Variants in RBFOX1 observed in about 807,000 individuals in gnomAD.
RBFOX1 encodes RNA binding fox-1 homolog 1.
In RBFOX1, 8 loss-of-function variants were observed where a neutral mutation model predicts 57.7. The observed-to-expected ratio is 0.14, with a 90% CI of 0.08 to 0.25. RBFOX1 has a LOEUF of 0.25. RBFOX1 is among the 10% of genes least tolerant of loss of function. RBFOX1 has a pLI of 1.00. For synonymous variants in RBFOX1, 326 were observed against 222.4 expected, an observed-to-expected ratio of 1.47 and a Z score of -4.15; for missense variants, 611 against 548.5, an observed-to-expected ratio of 1.11 and a Z score of -1.14.
At chr16:7,098,566 T>G (rs1370547536) in intron 4 of RBFOX1, among the ~76,000 whole-genome samples, 1 of 152,208 alleles carries the variant, frequency 6.6e-6, no homozygotes, top group East Asian at 1.9e-4. Context: ...TCAGCACCCT[T>G]AAACATATAC....
intron 1 of RBFOX1, among the ~76,000 whole-genome samples, chr16:5,445,683 G>A (rs2068219541): frequency 6.6e-6 from 1 of 152,088 alleles, no homozygotes; most frequent in Admixed American, 6.5e-5. Context: ...GGGGCTGCCT[G>A]GAACTTAGCA....
chr16:7,699,025 G>C (rs1432118961), intron 14 of RBFOX1, among the ~76,000 whole-genome samples: 2 of 152,194 alleles, frequency 1.3e-5, no homozygotes, highest in African/African-American at 4.8e-5. Context: ...GTCACCTGGA[G>C]AACTTGTTAC....
chr16:5,953,041 C>T (rs1355912771), intron 4 of RBFOX1, among the ~76,000 whole-genome samples: 1 of 150,944 alleles, frequency 6.6e-6, no homozygotes, highest in African/African-American at 2.4e-5. Flanking sequence ...ATGGTAGAAT[C>T]TCCTGCGGAA....
chr16:5,629,396 G>GC (rs1188403095), intron 3 of RBFOX1, among the ~76,000 whole-genome samples: 1 of 152,198 alleles, frequency 6.6e-6, no homozygotes, highest in Non-Finnish European at 1.5e-5. Flanking sequence ...AACCAGGACT[G>GC]CCAGTGGTAT....
At chr16:7,109,355 C>G (rs1409271703) in intron 4 of RBFOX1, among the ~76,000 whole-genome samples, 1 of 152,128 alleles carries the variant, frequency 6.6e-6, no homozygotes, top group Non-Finnish European at 1.5e-5. Flanking sequence ...GCAACCAAAC[C>G]CTCTCACCAG....
At chr16:5,649,951 C>G (rs560377661) in intron 3 of RBFOX1, among the ~76,000 whole-genome samples, 1 of 152,150 alleles carries the variant, frequency 6.6e-6, no homozygotes, top group Non-Finnish European at 1.5e-5. Context: ...AATCGCCTCC[C>G]GGTGGAACAC....
At chr16:6,653,977 A>T (rs1263953294) in intron 2 of RBFOX1, among the ~76,000 whole-genome samples, 2 of 50,518 alleles carry the variant, frequency 4.0e-5, no homozygotes, top group Non-Finnish European at 1.3e-4. Context: ...GGACGGATGG[A>T]TGGATGGATG....
intron 2 of RBFOX1, among the ~76,000 whole-genome samples, chr16:6,636,447 G>A (rs929241045): frequency 3.3e-5 from 5 of 152,114 alleles, no homozygotes; most frequent in Non-Finnish European, 7.3e-5. Flanking sequence ...TGGGATTACA[G>A]GCGTGAGCCA....
chr16:6,843,504 C>G (rs774316293), intron 3 of RBFOX1, among the ~76,000 whole-genome samples: 2 of 152,008 alleles, frequency 1.3e-5, no homozygotes, highest in African/African-American at 2.4e-5. Flanking sequence ...CTGGCTAACA[C>G]TGTGAAACCC....
chr16:5,410,765 C>A (rs867935420), intron 1 of RBFOX1, among the ~76,000 whole-genome samples: 71 of 137,600 alleles, frequency 5.2e-4, no homozygotes, highest in African/African-American at 1.9e-3. Flanking sequence ...TTACAATGCC[C>A]TGTCCTCTCC....
chr16:6,552,724 G>A (rs561698429), intron 2 of RBFOX1, among the ~76,000 whole-genome samples: 2 of 151,848 alleles, frequency 1.3e-5, no homozygotes, highest in Non-Finnish European at 2.9e-5. Flanking sequence ...ACATACATAT[G>A]TGTGTACATT....
rs556115763 is a variant in RBFOX1, at chr16:5,252,717, T to C, written c.219+12612T>C. ...GCAAGAGCTATCCCATCCGCCCCCA[T>C]CTGGAGCTCGGCTGCCCAGCCAGAC... On this transcript the variant is annotated intron_variant, in intron 1 of 2. Transcript: ENST00000585867. Among the ~76,000 whole-genome samples, 6 of 152,308 alleles carry C rather than the reference T, an allele frequency of 3.9e-5. No individual in the cohort carries two copies. The East Asian group carries it at 1.2e-3, about 29-fold the overall frequency.
chr16:6,602,090 A>C (rs542211964), intron 2 of RBFOX1, among the ~76,000 whole-genome samples: 1 of 152,072 alleles, frequency 6.6e-6, no homozygotes, highest in Non-Finnish European at 1.5e-5. Context: ...TTATTCCCTA[A>C]GTTGTTTATT....
intron 1 of RBFOX1, among the ~76,000 whole-genome samples, chr16:6,140,895 A>G (rs1171475168): frequency 6.6e-6 from 1 of 152,152 alleles, no homozygotes; most frequent in Non-Finnish European, 1.5e-5. Flanking sequence ...GTGCTGTGCA[A>G]ATAACCATCT....
chr16:7,145,601 C>T (rs1567445072), intron 4 of RBFOX1, among the ~76,000 whole-genome samples: 1 of 152,028 alleles, frequency 6.6e-6, no homozygotes. Flanking sequence ...GTGTTTTACC[C>T]CTCTCGGTTA....
At chr16:6,618,494 T>C (rs952249628) in intron 2 of RBFOX1, among the ~76,000 whole-genome samples, 1 of 152,248 alleles carries the variant, frequency 6.6e-6, no homozygotes, top group Non-Finnish European at 1.5e-5. Flanking sequence ...ATGTTCATTA[T>C]ACATTTACCA....
At chr16:5,483,202 C>T (rs1415588183) in intron 2 of RBFOX1, among the ~76,000 whole-genome samples, 1 of 152,182 alleles carries the variant, frequency 6.6e-6, no homozygotes, top group Non-Finnish European at 1.5e-5. Flanking sequence ...GCTTGGATTT[C>T]CACAATGGGA....
chr16:5,989,827 A>C (rs889936092), intron 4 of RBFOX1, among the ~76,000 whole-genome samples: 40 of 88,406 alleles, frequency 4.5e-4, no homozygotes, highest in Non-Finnish European at 9.2e-4. Flanking sequence ...GAAATGAGAG[A>C]CTAGTAACAC....
chr16:6,219,319 C>T (rs1053386438), intron 1 of RBFOX1, among the ~76,000 whole-genome samples: 11 of 151,936 alleles, frequency 7.2e-5, no homozygotes, highest in Non-Finnish European at 4.4e-5. Context: ...AATACGCACA[C>T]AAAAAAGTAA....
Sources: allele counts gnomAD v4.1 joint callset (sites outside exome capture counted in the v4.1 genomes callset), GRCh38; gene constraint gnomAD v4.1.1; transcripts MANE v1.5; gene names NCBI Gene and HGNC (gene_info 2026-07-23, HGNC 2026-07-21).